ATG14: variants seen among roughly 807,000 people sequenced by gnomAD.
ATG14 encodes the protein beclin 1-associated autophagy-related key regulator.
ATG14 carries 35 observed loss-of-function variants against 60.4 expected under a neutral mutation model. That is an observed-to-expected ratio of 0.58 (90% CI 0.44 to 0.77). The LOEUF (loss-of-function observed/expected upper bound fraction) is 0.77, where lower values mean the gene tolerates loss of function less well. ATG14 is among the 30% of genes least tolerant of loss of function. The probability of loss-of-function intolerance (pLI) is 0.00; values close to 1 mark genes in which losing one functional copy is unlikely to be tolerated. For synonymous variants in ATG14, 234 were observed against 228.8 expected (o/e 1.02, Z -0.21); for missense variants, 647 against 626.3 (o/e 1.03, Z -0.35).
intron 1 of ATG14, among the ~76,000 whole-genome samples, chr14:55,405,382 T>G (rs1264838339): frequency 6.6e-6 from 1 of 152,230 alleles, no homozygotes; most frequent in Non-Finnish European, 1.5e-5. Context: ...CATTTCTGTT[T>G]CCTGGCAAAA....
intron 9 of ATG14, among the ~76,000 whole-genome samples, chr14:55,371,995 T>C (rs1420580079): frequency 6.6e-6 from 1 of 152,068 alleles, no homozygotes; most frequent in East Asian, 1.9e-4. Flanking sequence ...TTCTCAAGTT[T>C]CTCCTTGCAC....
In ATG14 at chr14:55,377,262, G is replaced by A. The variant is rs8010543; in HGVS notation, c.1172+557C>T. Among the ~76,000 whole-genome samples the A allele has an allele frequency of 4.7e-3, 718 of 152,222 alleles. 5 individuals are homozygous for A. Among genetic ancestry groups the A allele is most frequent in the African/African-American group, 0.016 (679 of 41,534 alleles). On this transcript the variant is annotated intron_variant, in intron 9 of 9. Transcript: ENST00000247178. ...CTTGGGAGGCTGAGGCAGAAGAATC[G>A]CTTGAACCCAGGAGGTGGAGGTTGC...
intron 2 of ATG14, among the ~76,000 whole-genome samples, chr14:55,396,337 C>T (rs1885313520): frequency 6.6e-6 from 1 of 152,142 alleles, no homozygotes; most frequent in African/African-American, 2.4e-5. Flanking sequence ...ATGATACATG[C>T]CAGCATCTCC....
At chr14:55,390,134 G>A (rs557024739) in intron 4 of ATG14, among the ~76,000 whole-genome samples, 8 of 151,802 alleles carry the variant, frequency 5.3e-5, no homozygotes, top group Middle Eastern at 3.4e-3. Flanking sequence ...GCAATGGCAC[G>A]ATCTCAGCTC....
At chr14:55,380,787 ACT>A in intron 6 of ATG14, 97 bp from the exon 7 acceptor site, 4 of 729,038 alleles carry the variant, frequency 5.5e-6, no homozygotes, top group South Asian at 2.4e-5. Context: ...TCATGATAGC[ACT>A]GTTACGTTTT....
rs1358014548 is a variant in ATG14 at position 55,382,015 on chromosome 14, T to A, written c.824A>T (p.Asp275Val). 27 of 1,614,080 alleles carry A rather than the reference T, an allele frequency of 1.7e-5. No individual in the cohort carries two copies. The highest frequency in any genetic ancestry group is 2.1e-5 in the Non-Finnish European group (25 of 1,180,036). Residue 275 changes from aspartate to valine, a missense_variant, in exon 6 of 10, where the codon GAC (aspartate) becomes GTC (valine). Physicochemically the swap from Asp to Val is radical, Grantham distance 152 (BLOSUM62 -3). Transcript: ENST00000247178. ...GPWISLPNNG[D>V]YSAYYSWVEE... Reference sequence around the variant, plus strand: ...CACCCAGCTGTAGTAGGCAGAGTAGTCCCCATTGTTAGGGAGGCTAATCCA... The same window carrying A: ...CACCCAGCTGTAGTAGGCAGAGTAGACCCCATTGTTAGGGAGGCTAATCCA...
chr14:55,401,623 T>C (rs1003249937), intron 1 of ATG14, among the ~76,000 whole-genome samples: 1 of 152,230 alleles, frequency 6.6e-6, no homozygotes, highest in Non-Finnish European at 1.5e-5. Flanking sequence ...GTTTCATAAA[T>C]TCTTCCATAC....
At chr14:55,393,019 G>T (rs1252028372) in intron 3 of ATG14, among the ~76,000 whole-genome samples, 4 of 152,138 alleles carry the variant, frequency 2.6e-5, no homozygotes, top group Admixed American at 6.5e-5. Context: ...ATCTTCCACA[G>T]AACATGTTTT....
At chr14:55,384,479 G>C (rs1885089921) in intron 5 of ATG14, among the ~76,000 whole-genome samples, 2 of 152,132 alleles carry the variant, frequency 1.3e-5, no homozygotes, top group Non-Finnish European at 2.9e-5. Context: ...TGGGGTTCAG[G>C]ACTCAAGATC....
At chr14:55,392,566 T>A (rs1008606724) in intron 3 of ATG14, among the ~76,000 whole-genome samples, 2 of 151,152 alleles carry the variant, frequency 1.3e-5, no homozygotes, top group African/African-American at 4.9e-5. Flanking sequence ...GGAGAATCGC[T>A]TGAGCCCAGG....
chr14:55,392,446 G>A (rs963737537), intron 3 of ATG14, among the ~76,000 whole-genome samples: 5 of 152,014 alleles, frequency 3.3e-5, no homozygotes, highest in Non-Finnish European at 7.4e-5. Flanking sequence ...TCAGGAGTTC[G>A]AGGCCAGCCT....
intron 1 of ATG14, among the ~76,000 whole-genome samples, chr14:55,410,382 C>A (rs755821298): frequency 5.9e-5 from 9 of 152,204 alleles, no homozygotes; most frequent in Non-Finnish European, 1.2e-4. Context: ...CCTCGATTCA[C>A]TCCATCAGTT....
At chr14:55,394,652 G>A (rs1295455350) in intron 3 of ATG14, among the ~76,000 whole-genome samples, 1 of 152,194 alleles carries the variant, frequency 6.6e-6, no homozygotes, top group Non-Finnish European at 1.5e-5. Context: ...AGCTCACAGA[G>A]TGCACGAAAT....
At position 55,369,468 on chromosome 14, in the gene ATG14, G is replaced by A; in HGVS notation, c.*151C>T. The A allele has an allele frequency of 2.8e-6, 2 of 725,832 alleles. No individual in the cohort carries two copies. Among genetic ancestry groups the A allele is most frequent in the Non-Finnish European group, 4.1e-6 (2 of 485,826 alleles). 45.0% of individuals were successfully genotyped at this position (725,832 alleles called of 1,614,324 possible). On this transcript the variant is annotated 3_prime_UTR_variant, in exon 10 of 10. Transcript: ENST00000247178. ...CACAGGCCACTTGGCAAATAGAAAT[G>A]TTTGTCTCCCTGCTTAAAAAGACAA...
chr14:55,386,696 C>A (rs969153942), intron 4 of ATG14, among the ~76,000 whole-genome samples: 1 of 152,170 alleles, frequency 6.6e-6, no homozygotes, highest in Non-Finnish European at 1.5e-5. Flanking sequence ...GCAAGGGAAA[C>A]AAAAGCCTGG....
Position 55,385,855 on chromosome 14 carries a change from G to C in ATG14, c.647+4C>G. On this transcript the variant is annotated splice_donor_region_variant and intron_variant, in intron 5 of 9. Transcript: ENST00000247178. ...CCTGGAGTCAAAAGACTTGCTTAAT[G>C]TACCTCACACCCGTCTTTACTTCCT... The C allele has an allele frequency of 6.2e-7, 1 of 1,600,178 alleles. No homozygotes were observed. Among genetic ancestry groups the C allele is most frequent in the South Asian group, 1.1e-5 (1 of 89,180 alleles).
chr14:55,373,644 G>A (rs1215047995), intron 9 of ATG14, among the ~76,000 whole-genome samples: 1 of 152,034 alleles, frequency 6.6e-6, no homozygotes, highest in Admixed American at 6.5e-5. Context: ...ACTTTTAGTA[G>A]AGATGCAGTT....
intron 1 of ATG14, among the ~76,000 whole-genome samples, chr14:55,408,270 T>C (rs1455347262): frequency 1.3e-5 from 2 of 151,760 alleles, no homozygotes; most frequent in Non-Finnish European, 2.9e-5. Context: ...CTGGGCAACA[T>C]GGCAAAACCC....
At chr14:55,389,891 GATAAAGT>G (rs35702273) in intron 4 of ATG14, among the ~76,000 whole-genome samples, 1,566 of 152,096 alleles carry the variant, frequency 0.01, 20 homozygotes, top group African/African-American at 0.036. Context: ...AACGATCTAT[GATAAAGT>G]ATAAAGTGTA....
Sources: gnomAD v4.1 joint callset for allele counts (sites outside exome capture counted in the v4.1 genomes callset) on GRCh38, gnomAD v4.1.1 for gene constraint, MANE v1.5 for transcripts, NCBI Gene and HGNC (gene_info 2026-07-23, HGNC 2026-07-21) for gene names.